DIP2C: variants seen among roughly 807,000 people sequenced by gnomAD.
DIP2C encodes the protein disco-interacting protein 2 homolog C.
In DIP2C, 33 loss-of-function variants were observed where a neutral mutation model predicts 192.4. That is an observed-to-expected ratio of 0.17 (90% CI 0.13 to 0.23). DIP2C has a LOEUF of 0.23. Among genes scored for constraint, DIP2C ranks in the 10% least tolerant of loss-of-function variants. The pLI is 1.00. For synonymous variants in DIP2C, 979 were observed against 864.1 expected, an observed-to-expected ratio of 1.13 and a Z score of -2.33; for missense variants, 1,537 against 2,110.1, an observed-to-expected ratio of 0.73 and a Z score of 5.32.
At chr10:612,603 C>T (rs1196546290) in intron 1 of DIP2C, among the ~76,000 whole-genome samples, 2 of 152,160 alleles carry the variant, frequency 1.3e-5, no homozygotes, top group African/African-American at 2.4e-5. Flanking sequence ...TCTTATATTC[C>T]TCTACGTCCT....
At chr10:585,093 G>A (rs1022776869) in intron 1 of DIP2C, among the ~76,000 whole-genome samples, 1 of 152,184 alleles carries the variant, frequency 6.6e-6, no homozygotes, top group African/African-American at 2.4e-5. Flanking sequence ...CACCTCTCCA[G>A]CAGAAAGAGC....
chr10:598,670 T>A (rs1050026619), intron 1 of DIP2C, among the ~76,000 whole-genome samples: 27 of 151,410 alleles, frequency 1.8e-4, no homozygotes, highest in African/African-American at 6.1e-4. Flanking sequence ...TACAAAGCAA[T>A]TAAAGGCATG....
At chr10:534,123 CCT>C (rs1847567218) in intron 1 of DIP2C, among the ~76,000 whole-genome samples, 1 of 152,238 alleles carries the variant, frequency 6.6e-6, no homozygotes, top group Non-Finnish European at 1.5e-5. Context: ...GAGGCCGCCC[CCT>C]GACCCCACTT....
intron 4 of DIP2C, among the ~76,000 whole-genome samples, chr10:434,659 T>TC (rs1646432935): frequency 6.6e-6 from 1 of 152,214 alleles, no homozygotes; most frequent in Admixed American, 6.5e-5. Flanking sequence ...GCAAGGCAGG[T>TC]CTACTGGCAA....
intron 17 of DIP2C, among the ~76,000 whole-genome samples, chr10:377,840 G>A (rs1159111212): frequency 2.0e-5 from 3 of 152,042 alleles, no homozygotes; most frequent in Admixed American, 6.6e-5. Flanking sequence ...TATCTTTTCT[G>A]GAATTATTGT....
chr10:508,819 G>A (rs1242715497), intron 1 of DIP2C, among the ~76,000 whole-genome samples: 1 of 152,200 alleles, frequency 6.6e-6, no homozygotes, highest in Non-Finnish European at 1.5e-5. Context: ...ATGGGAAGTT[G>A]TGTACTACTG....
chr10:445,624 AAG>A (rs1181454766), intron 3 of DIP2C, among the ~76,000 whole-genome samples: 1 of 113,318 alleles, frequency 8.8e-6, no homozygotes, highest in Non-Finnish European at 1.6e-5. Flanking sequence ...AACTGTTGCG[AAG>A]AGTCTATCTT....
intron 1 of DIP2C, among the ~76,000 whole-genome samples, chr10:595,259 T>C (rs1851637202): frequency 6.6e-6 from 1 of 152,214 alleles, no homozygotes; most frequent in Non-Finnish European, 1.5e-5. Flanking sequence ...TCGTGGGCCA[T>C]GACAGAAAAC....
At chr10:384,457 G>A (rs1962694102) in intron 15 of DIP2C, 89 bp downstream of exon 15, 3 of 1,347,540 alleles carry the variant, frequency 2.2e-6, no homozygotes, top group Admixed American at 3.5e-5. Context: ...CGGGTGGTCT[G>A]GAACTCCTGA....
At chr10:604,703 A>T (rs1322981928) in intron 1 of DIP2C, among the ~76,000 whole-genome samples, 2 of 152,258 alleles carry the variant, frequency 1.3e-5, no homozygotes, top group African/African-American at 4.8e-5. Flanking sequence ...CCCCTAAAAG[A>T]CATTTGTCAA....
chr10:383,991 C>CTG, intron 16 of DIP2C, 36 bp downstream of exon 16: 1 of 1,474,090 alleles, frequency 6.8e-7, no homozygotes, highest in Non-Finnish European at 8.9e-7. Flanking sequence ...ACTCCACAGC[C>CTG]CGCCTGCCTC....
At chr10:287,010 G>T (rs1307797084) in intron 33 of DIP2C, among the ~76,000 whole-genome samples, 1 of 144,900 alleles carries the variant, frequency 6.9e-6, no homozygotes, top group African/African-American at 2.6e-5. Flanking sequence ...TGGATCTCCA[G>T]CTCATCTCCA....
intron 1 of DIP2C, among the ~76,000 whole-genome samples, chr10:671,937 C>T (rs1193411129): frequency 2.9e-5 from 4 of 136,188 alleles, no homozygotes; most frequent in Non-Finnish European, 4.7e-5. Flanking sequence ...AGGAAACAGG[C>T]CACAGACACA....
intron 34 of DIP2C, among the ~76,000 whole-genome samples, chr10:285,500 G>A (rs962164703): frequency 6.6e-6 from 1 of 152,216 alleles, no homozygotes. Flanking sequence ...CACACGTGCT[G>A]CCACCGTGGG....
chr10:433,842 A>G (rs139772419), intron 4 of DIP2C, among the ~76,000 whole-genome samples: 285 of 152,302 alleles, frequency 1.9e-3, no homozygotes, highest in African/African-American at 6.0e-3. Context: ...AATGATATAC[A>G]GTTGAATTAA....
In DIP2C at chr10:401,392, T is replaced by C. The variant is rs535361658; in HGVS notation, c.1150-2173A>G. On this transcript the variant is annotated intron_variant, in intron 9 of 36. Coordinates refer to ENST00000280886, the MANE Select transcript of DIP2C (RefSeq NM_014974.3). ...TACTCTTCCTTATGGACAAGTTTCG[T>C]ACATTTTCATCAGCACATGAATCCT... 5.0e-3 allele frequency among the ~76,000 whole-genome samples: 762 copies of C among 151,856 alleles called. 7 individuals are homozygous for C. Among genetic ancestry groups the C allele is most frequent in the Non-Finnish European group, 7.3e-3 (496 of 67,960 alleles).
At chr10:674,807 G>T (rs1469789567) in intron 1 of DIP2C, among the ~76,000 whole-genome samples, 125 of 134,964 alleles carry the variant, frequency 9.3e-4, no homozygotes, top group Middle Eastern at 3.7e-3. Flanking sequence ...GAGAGAGAGA[G>T]AGAGAGAGAG....
chr10:361,781 C>T (rs536379675), intron 22 of DIP2C, among the ~76,000 whole-genome samples: 3 of 152,288 alleles, frequency 2.0e-5, no homozygotes, highest in African/African-American at 2.4e-5. Context: ...ACAGAGGCAG[C>T]GTTTTCCACC....
chr10:292,605 C>G (rs913484524), intron 32 of DIP2C, among the ~76,000 whole-genome samples: 1 of 152,194 alleles, frequency 6.6e-6, no homozygotes. Flanking sequence ...CTGATGGCGC[C>G]GTGCAACCGA....
Sources: gnomAD v4.1 joint callset for allele counts (sites outside exome capture counted in the v4.1 genomes callset) on GRCh38, gnomAD v4.1.1 for gene constraint, MANE v1.5 for transcripts, NCBI Gene and HGNC (gene_info 2026-07-23, HGNC 2026-07-21) for gene names.